FSTL5: variants seen among roughly 807,000 people sequenced by gnomAD.
FSTL5 encodes the protein follistatin-related protein 5.
In FSTL5, 62 loss-of-function variants were observed where a neutral mutation model predicts 89.1. The ratio of observed to expected loss-of-function variants is 0.70; its 90% CI spans 0.57 to 0.86. FSTL5 has a LOEUF of 0.86. Among genes scored for constraint, FSTL5 ranks in the 40% least tolerant of loss-of-function variants. FSTL5 has a pLI of 0.00. For synonymous variants in FSTL5, 383 were observed against 346.2 expected, an observed-to-expected ratio of 1.11 and a Z score of -1.18; for missense variants, 1,057 against 1,001.6, an observed-to-expected ratio of 1.06 and a Z score of -0.75.
intron 4 of FSTL5, among the ~76,000 whole-genome samples, chr4:161,832,430 G>A (rs1481152875): frequency 6.6e-6 from 1 of 152,040 alleles, no homozygotes; most frequent in Non-Finnish European, 1.5e-5. Flanking sequence ...TTTTTCTATT[G>A]ATTGGAATAG....
chr4:161,584,749 T>G (rs188352089), intron 8 of FSTL5, among the ~76,000 whole-genome samples: 1 of 152,314 alleles, frequency 6.6e-6, no homozygotes, highest in Non-Finnish European at 1.5e-5. Context: ...GTGCTTAAAT[T>G]ATACTCCTCA....
chr4:161,639,330 C>T (rs1182822733), intron 7 of FSTL5, among the ~76,000 whole-genome samples: 1 of 152,172 alleles, frequency 6.6e-6, no homozygotes, highest in Non-Finnish European at 1.5e-5. Flanking sequence ...GGCAAGATCA[C>T]TTTGCATAAG....
intron 12 of FSTL5, among the ~76,000 whole-genome samples, chr4:161,484,471 T>A (rs1433450647): frequency 6.6e-6 from 1 of 152,182 alleles, no homozygotes; most frequent in Non-Finnish European, 1.5e-5. Flanking sequence ...CATTGCCCCA[T>A]AAATTTAAGA....
chr4:161,872,439 G>A (rs1463275399), intron 4 of FSTL5, among the ~76,000 whole-genome samples: 4 of 152,220 alleles, frequency 2.6e-5, no homozygotes, highest in South Asian at 2.1e-4. Context: ...TGGTCTTCTA[G>A]AGACCTTCAA....
chr4:161,490,815 C>T (rs764554281), intron 12 of FSTL5, among the ~76,000 whole-genome samples: 14 of 152,126 alleles, frequency 9.2e-5, no homozygotes, highest in South Asian at 4.2e-4. Flanking sequence ...CAAAGAGCTT[C>T]GCATTTGATT....
chr4:162,060,178 ATG>A (rs1560997132), intron 2 of FSTL5, among the ~76,000 whole-genome samples: 2 of 152,108 alleles, frequency 1.3e-5, no homozygotes, highest in African/African-American at 4.8e-5. Context: ...CATTTCTCTT[ATG>A]TCTATACTTC....
At chr4:161,790,561 G>A (rs1729434705) in intron 4 of FSTL5, among the ~76,000 whole-genome samples, 1 of 152,126 alleles carries the variant, frequency 6.6e-6, no homozygotes, top group Non-Finnish European at 1.5e-5. Context: ...CTAATGAGGG[G>A]ATTTTTCATG....
chr4:161,500,255 T>C, intron 11 of FSTL5, 121 bp from the exon 12 acceptor site: 2 of 613,036 alleles, frequency 3.3e-6, no homozygotes, highest in African/African-American at 1.9e-5. Context: ...GTAATGTTAA[T>C]AAAGCAAACC....
chr4:162,033,721 T>C, intron 2 of FSTL5, 63 bp from the exon 3 acceptor site: 2 of 922,910 alleles, frequency 2.2e-6, no homozygotes, highest in Non-Finnish European at 3.3e-6. Context: ...CTGTTTCATA[T>C]AAAGTTTCAC....
intron 4 of FSTL5, among the ~76,000 whole-genome samples, chr4:161,899,980 A>G (rs1242623970): frequency 6.6e-6 from 1 of 152,130 alleles, no homozygotes; most frequent in Non-Finnish European, 1.5e-5. Flanking sequence ...GGATCACCTG[A>G]GGTCAGGGGT....
chr4:161,550,245 T>A (rs1271843984), intron 8 of FSTL5, among the ~76,000 whole-genome samples: 1 of 151,924 alleles, frequency 6.6e-6, no homozygotes, highest in Non-Finnish European at 1.5e-5. Flanking sequence ...CTGCACCCTT[T>A]CTGCCATTTC....
chr4:162,107,449 C>A (rs1731267697), intron 2 of FSTL5, among the ~76,000 whole-genome samples: 2 of 152,142 alleles, frequency 1.3e-5, no homozygotes, highest in Admixed American at 1.3e-4. Context: ...CTAAAGACGG[C>A]TCAAAATTTG....
intron 8 of FSTL5, among the ~76,000 whole-genome samples, chr4:161,550,522 T>C (rs1339059768): frequency 5.3e-5 from 8 of 149,746 alleles, no homozygotes; most frequent in Admixed American, 4.7e-4. Flanking sequence ...CTTTTTTTTG[T>C]ATTTTATTTT....
intron 6 of FSTL5, among the ~76,000 whole-genome samples, chr4:161,744,464 C>G (rs1368168653): frequency 6.6e-6 from 1 of 152,094 alleles, no homozygotes; most frequent in African/African-American, 2.4e-5. Flanking sequence ...AATTTTATGT[C>G]TATACATTTA....
chr4:161,995,644 T>G (rs1560959435), intron 3 of FSTL5, among the ~76,000 whole-genome samples: 1 of 151,980 alleles, frequency 6.6e-6, no homozygotes, highest in African/African-American at 2.4e-5. Context: ...CTGTATCACA[T>G]CGGAAGTATA....
intron 2 of FSTL5, among the ~76,000 whole-genome samples, chr4:162,067,499 C>T (rs1738958945): frequency 6.6e-6 from 1 of 151,944 alleles, no homozygotes; most frequent in African/African-American, 2.4e-5. Flanking sequence ...GGTATATACC[C>T]AGTAATGGGA....
In FSTL5 at chr4:162,077,084, AT is replaced by A. The variant is rs142667285; in HGVS notation, c.126+34186del. 1.7e-3 allele frequency among the ~76,000 whole-genome samples: 259 copies of A among 151,934 alleles called. 1 individual carries two copies. The highest frequency in any genetic ancestry group is 6.0e-3 in the African/African-American group (248 of 41,482). Reference sequence around the variant, plus strand: ...AAAACTGGATACCTGTCACTAGGTAATTTATAACAAAATATATTTGTTGGCT... The same window carrying A: ...AAAACTGGATACCTGTCACTAGGTAATTATAACAAAATATATTTGTTGGCT... On this transcript the variant is annotated intron_variant, in intron 2 of 15. Transcript: ENST00000306100.
intron 1 of FSTL5, among the ~76,000 whole-genome samples, chr4:162,155,557 A>G (rs1338071240): frequency 6.6e-6 from 1 of 152,218 alleles, no homozygotes; most frequent in East Asian, 1.9e-4. Context: ...AAACATACAT[A>G]TGTTTTAAAA....
chr4:161,573,194 G>A (rs1397841821), intron 8 of FSTL5, among the ~76,000 whole-genome samples: 2 of 152,118 alleles, frequency 1.3e-5, no homozygotes, highest in African/African-American at 2.4e-5. Flanking sequence ...CGAATTGCTT[G>A]AGTCAAAGAG....
Sources: gnomAD v4.1 joint callset for allele counts (sites outside exome capture counted in the v4.1 genomes callset) on GRCh38, gnomAD v4.1.1 for gene constraint, MANE v1.5 for transcripts, NCBI Gene and HGNC (gene_info 2026-07-23, HGNC 2026-07-21) for gene names.